Variants in MALRD1 observed in about 807,000 individuals in gnomAD.
MALRD1 encodes MAM and LDL-receptor class A domain-containing protein 1.
A neutral mutation model predicts 242.1 loss-of-function variants in MALRD1; 247 were observed. That is an observed-to-expected ratio of 1.02 (90% confidence interval 0.92 to 1.13). The LOEUF (loss-of-function observed/expected upper bound fraction) is 1.13. MALRD1 is among the 50% of genes most tolerant of loss of function. The pLI is 0.00. For synonymous variants in MALRD1, 995 were observed against 866.6 expected, an observed-to-expected ratio of 1.15 and a Z score of -2.60; for missense variants, 2,989 against 2,533.1, an observed-to-expected ratio of 1.18 and a Z score of -3.86.
At chr10:19,169,321 G>T (rs1023466502) in intron 13 of MALRD1, among the ~76,000 whole-genome samples, 4 of 152,094 alleles carry the variant, frequency 2.6e-5, no homozygotes, top group Admixed American at 2.6e-4. Context: ...CTGTGAATCA[G>T]TCTGGATTTT....
Position 19,283,113 on chromosome 10 carries a change from G to A in MALRD1, c.3351G>A (p.Trp1117Ter). ...TTCAAGATTCAAACACATTCAGGTG[G>A]GGGCTTGGGAACGGGATCAGCATTC... ...HLLQDSNTFRWGLGNGISIHH... is the reference protein window; with the variant it reads ...HLLQDSNTFR Residue 1117 changes from tryptophan to a stop codon, truncating the protein, a stop_gained, in exon 21 of 40, where the codon TGG becomes TGA. Transcript: ENST00000454679. LOFTEE classifies it high-confidence loss of function. 7.1e-6 allele frequency: 11 copies of A among 1,549,548 alleles called. No homozygotes were observed. Among genetic ancestry groups the A allele is most frequent in the South Asian group, 1.2e-5 (1 of 83,954 alleles).
At chr10:19,417,248 T>C (rs1833545465) in intron 28 of MALRD1, among the ~76,000 whole-genome samples, 1 of 152,182 alleles carries the variant, frequency 6.6e-6, no homozygotes, top group South Asian at 2.1e-4. Context: ...TGTCCACTGT[T>C]TTTTTCTTTA....
At chr10:19,251,999 G>T (rs1249513175) in intron 18 of MALRD1, among the ~76,000 whole-genome samples, 1 of 151,930 alleles carries the variant, frequency 6.6e-6, no homozygotes, top group African/African-American at 2.4e-5. Context: ...AGTTTCCTGA[G>T]GCCTCCCAAG....
intron 36 of MALRD1, among the ~76,000 whole-genome samples, chr10:19,653,744 A>G (rs1263796095): frequency 1.3e-5 from 2 of 152,056 alleles, no homozygotes; most frequent in Non-Finnish European, 2.9e-5. Flanking sequence ...GGCAACATCC[A>G]AATAGTCTAC....
At chr10:19,247,693 T>G (rs12220907) in intron 18 of MALRD1, among the ~76,000 whole-genome samples, 2 of 151,966 alleles carry the variant, frequency 1.3e-5, no homozygotes, top group East Asian at 3.9e-4. Flanking sequence ...TATTTTTATT[T>G]TCAAGGAAGT....
chr10:19,163,138 A>G (rs2358342), intron 12 of MALRD1, among the ~76,000 whole-genome samples: 5,049 of 23,706 alleles, frequency 0.21, 8 homozygotes, highest in Non-Finnish European at 0.26. Context: ...AACCCTGTCT[A>G]AAAAAAAAAA....
intron 18 of MALRD1, among the ~76,000 whole-genome samples, chr10:19,246,020 TGTTAAACA>T (rs1208152099): frequency 6.6e-6 from 1 of 152,142 alleles, no homozygotes; most frequent in Non-Finnish European, 1.5e-5. Context: ...AACGATGATG[TGTTAAACA>T]GTTAATAAGA....
At chr10:19,722,879 T>C (rs376538483) in intron 38 of MALRD1, among the ~76,000 whole-genome samples, 24 of 152,268 alleles carry the variant, frequency 1.6e-4, no homozygotes, top group African/African-American at 5.3e-4. Flanking sequence ...AAACCAACAG[T>C]TGCCACCCTC....
At chr10:19,591,197 C>T (rs547538065) in intron 33 of MALRD1, among the ~76,000 whole-genome samples, 4 of 152,164 alleles carry the variant, frequency 2.6e-5, no homozygotes, top group Non-Finnish European at 4.4e-5. Flanking sequence ...TAGTAACCTA[C>T]ATTTAAGGTA....
Position 19,692,500 on chromosome 10 carries a change from C to T in MALRD1, c.6260C>T (p.Thr2087Ile). Residue 2087 changes from threonine (T) to isoleucine (I), a missense_variant, in exon 38 of 40, where the codon ACT becomes ATT. By Grantham distance (89) the Thr-to-Ile change is moderately conservative. Coordinates refer to ENST00000454679, the MANE Select transcript of MALRD1 (RefSeq NM_001142308.3). ...LLGIGLAFLMTHITVAVLCFL... is the reference protein window; with the variant it reads ...LLGIGLAFLMIHITVAVLCFL... Reference sequence around the variant, plus strand: ...GGTATTGGATTAGCATTCCTGATGACTCACATCACAGTTGCAGTCTTGTGT... The same window carrying T: ...GGTATTGGATTAGCATTCCTGATGATTCACATCACAGTTGCAGTCTTGTGT... 2.0e-6 allele frequency: 3 copies of T among 1,535,890 alleles called. No individual in the cohort carries two copies. The highest frequency in any genetic ancestry group is 2.6e-6 in the Non-Finnish European group (3 of 1,146,598).
intron 17 of MALRD1, 31 bp downstream of exon 17, chr10:19,205,296 T>A: frequency 6.6e-7 from 1 of 1,507,898 alleles, no homozygotes; most frequent in Non-Finnish European, 8.9e-7. Context: ...GGATTCTCTT[T>A]CTCATTTTGA....
chr10:19,475,841 T>C (rs758201938), intron 29 of MALRD1, among the ~76,000 whole-genome samples: 29 of 152,218 alleles, frequency 1.9e-4, no homozygotes, highest in Non-Finnish European at 4.1e-4. Flanking sequence ...GCTCAGCTTC[T>C]CAAAATCTCT....
At chr10:19,679,008 C>T (rs1389488293) in intron 36 of MALRD1, among the ~76,000 whole-genome samples, 1 of 152,058 alleles carries the variant, frequency 6.6e-6, no homozygotes, top group African/African-American at 2.4e-5. Context: ...GTTGAAGCCA[C>T]CTTGATCATG....
intron 14 of MALRD1, among the ~76,000 whole-genome samples, chr10:19,176,372 T>TTTTTTTTTTTTTTTTTTA (rs1835240735): frequency 2.7e-5 from 3 of 112,298 alleles, no homozygotes; most frequent in Non-Finnish European, 5.9e-5. Flanking sequence ...GGTGCTTTTT[T>TTTTTTTTTTTTTTTTTTA]TTTTTTTTTT....
Position 19,601,317 on chromosome 10 carries a change from A to G in MALRD1, c.5944+5860A>G, listed in dbSNP as rs1838331596. On this transcript the variant is annotated intron_variant, in intron 34 of 39. Transcript: ENST00000454679. ...TGTGAATTTTTTGGCTTAATTTTGG[A>G]ATTATTCTATGTTGTACTTATATTA... Among the ~76,000 whole-genome samples, 6 of 152,026 alleles carry G rather than the reference A, an allele frequency of 3.9e-5. No individual in the cohort carries two copies. In the South Asian group the frequency reaches 1.2e-3, roughly 31 times the overall value.
At chr10:19,636,940 T>C (rs1056264035) in intron 36 of MALRD1, among the ~76,000 whole-genome samples, 7 of 150,648 alleles carry the variant, frequency 4.6e-5, no homozygotes, top group African/African-American at 1.7e-4. Context: ...TTAAAAAATA[T>C]GACATTACTA....
chr10:19,075,999 G>C (rs1272345425), intron 2 of MALRD1, among the ~76,000 whole-genome samples: 1 of 151,956 alleles, frequency 6.6e-6, no homozygotes, highest in East Asian at 1.9e-4. Flanking sequence ...AAGTCGTCTG[G>C]AGACCTGGAT....
At chr10:19,172,687 C>T (rs1835064839) in intron 13 of MALRD1, among the ~76,000 whole-genome samples, 1 of 151,214 alleles carries the variant, frequency 6.6e-6, no homozygotes. Flanking sequence ...CCAGTTTTCT[C>T]TGAGTAGCAC....
intron 26 of MALRD1, among the ~76,000 whole-genome samples, chr10:19,367,080 A>G (rs1272744148): frequency 6.6e-6 from 1 of 152,170 alleles, no homozygotes; most frequent in Non-Finnish European, 1.5e-5. Context: ...GGTAATTTGC[A>G]TATCCATTTC....
Sources: gnomAD v4.1 joint callset for allele counts (sites outside exome capture counted in the v4.1 genomes callset) on GRCh38, gnomAD v4.1.1 for gene constraint, MANE v1.5 for transcripts, NCBI Gene and HGNC (gene_info 2026-07-23, HGNC 2026-07-21) for gene names.